Variants in KLHL29 observed in about 807,000 individuals in gnomAD.
KLHL29 encodes kelch like family member 29.
Under a neutral mutation model 80.4 loss-of-function variants are expected in KLHL29, and 21 were observed. The observed-to-expected ratio is 0.26, with a 90% confidence interval of 0.19 to 0.38. The LOEUF (loss-of-function observed/expected upper bound fraction) is 0.38, where lower values mean the gene tolerates loss of function less well. Among genes scored for constraint, KLHL29 ranks in the 10% least tolerant of loss-of-function variants. KLHL29 has a pLI of 1.00. For missense variants in KLHL29, 867 were observed against 1,223.9 expected, an observed-to-expected ratio of 0.71 and a Z score of 4.35; for synonymous variants, 511 against 526.8, an observed-to-expected ratio of 0.97 and a Z score of 0.41.
At chr2:23,510,304 G>T (rs757604525) in intron 2 of KLHL29, among the ~76,000 whole-genome samples, 3 of 152,182 alleles carry the variant, frequency 2.0e-5, no homozygotes, top group Non-Finnish European at 4.4e-5. Context: ...CACCAGGGCC[G>T]CTGAGGTTTG....
At chr2:23,678,940 T>C (rs1670997733) in intron 5 of KLHL29, among the ~76,000 whole-genome samples, 1 of 151,850 alleles carries the variant, frequency 6.6e-6, no homozygotes, top group Non-Finnish European at 1.5e-5. Context: ...TTAATGGGTG[T>C]GGAGTTTCCG....
At chr2:23,523,896 C>A in intron 2 of KLHL29, 3 of 444,298 alleles carry the variant, frequency 6.8e-6, no homozygotes, top group Non-Finnish European at 1.4e-5. Context: ...ACTTGGCACG[C>A]TTCTACAATT....
At position 23,695,808 on chromosome 2, in the gene KLHL29, G is replaced by C. The variant is rs3795941; in HGVS notation, c.1728G>C (p.Pro576=). The change falls in exon 9 of 14, where the codon CCG becomes CCC. Residue 576 remains proline (P), a synonymous_variant. Transcript: ENST00000486442. This position sits in a 1 kb window ranked among gnomAD's most constrained non-coding sequence, Gnocchi z 7.6. ...AGATGCAGACGCCCCGAACCCGGCCGCGCCTCTCTGCAGGTATGAAGGGGC... is the reference window on the plus strand; with the variant it reads ...AGATGCAGACGCCCCGAACCCGGCCCCGCCTCTCTGCAGGTATGAAGGGGC... ...RQEMQTPRTR[P]RLSAGVAEVI... The C allele has an allele frequency of 2.3e-5, 36 of 1,548,928 alleles. No homozygotes were observed. Among genetic ancestry groups the C allele is most frequent in the Non-Finnish European group, 2.8e-5 (32 of 1,146,372 alleles).
At chr2:23,650,566 T>C (rs1368824248) in intron 5 of KLHL29, among the ~76,000 whole-genome samples, 1 of 152,044 alleles carries the variant, frequency 6.6e-6, no homozygotes, top group Admixed American at 6.5e-5. Flanking sequence ...TGCACAAGAG[T>C]CCATCATCTC....
At chr2:23,603,436 C>T (rs1175973220) in intron 3 of KLHL29, among the ~76,000 whole-genome samples, 1 of 152,160 alleles carries the variant, frequency 6.6e-6, no homozygotes, top group African/African-American at 2.4e-5. Flanking sequence ...TCTGCTGGGC[C>T]CTGAGCTCTG....
rs146087765 is a variant in KLHL29 at position 23,587,077 on chromosome 2, C to G, written c.285+24596C>G. Among the ~76,000 whole-genome samples the G allele has an allele frequency of 2.3e-4, 35 of 152,266 alleles. No individual in the cohort carries two copies. In the East Asian group the frequency reaches 6.6e-3, roughly 29 times the overall value. ...AGAAGCAAACCCAGAGTAGGAAGAA[C>G]AGGCCTTTCATGTCGCTCCTTTTAA... On this transcript the variant is annotated intron_variant, in intron 3 of 13. Transcript: ENST00000486442.
At chr2:23,555,125 C>G (rs970826984) in intron 2 of KLHL29, among the ~76,000 whole-genome samples, 5 of 146,352 alleles carry the variant, frequency 3.4e-5, no homozygotes, top group African/African-American at 8.0e-5. Flanking sequence ...TGACCTCCCC[C>G]CCCCCCTCAA....
At chr2:23,412,691 G>T (rs888039367) in intron 1 of KLHL29, among the ~76,000 whole-genome samples, 25 of 152,108 alleles carry the variant, frequency 1.6e-4, no homozygotes, top group Admixed American at 6.5e-5. Context: ...CCTGGGCCTG[G>T]ACAAAAAAGT....
chr2:23,500,177 A>AAG, intron 2 of KLHL29, among the ~76,000 whole-genome samples: 1 of 152,304 alleles, frequency 6.6e-6, no homozygotes, highest in Non-Finnish European at 1.5e-5. Context: ...ACAGTGCCTT[A>AAG]GCAAGGAAGG....
intron 2 of KLHL29, among the ~76,000 whole-genome samples, chr2:23,541,787 C>T (rs1282382913): frequency 8.0e-6 from 1 of 125,756 alleles, no homozygotes; most frequent in African/African-American, 3.4e-5. Context: ...AAAAAAAAAC[C>T]ATAAAACTGG....
intron 11 of KLHL29, among the ~76,000 whole-genome samples, chr2:23,699,612 A>G (rs999430136): frequency 6.6e-6 from 1 of 151,780 alleles, no homozygotes; most frequent in Admixed American, 6.6e-5. Context: ...CTCATGTTCT[A>G]TCACTTCATC....
chr2:23,529,596 C>T (rs1000327994), intron 2 of KLHL29, among the ~76,000 whole-genome samples: 2 of 152,130 alleles, frequency 1.3e-5, no homozygotes, highest in Admixed American at 1.3e-4. Flanking sequence ...CCCACCAAAG[C>T]ACAGGCTTGG....
intron 1 of KLHL29, among the ~76,000 whole-genome samples, chr2:23,425,962 C>G (rs958022118): frequency 2.0e-5 from 3 of 152,194 alleles, no homozygotes; most frequent in African/African-American, 4.8e-5. Context: ...TACATTCTCC[C>G]AGGCTCCCAT....
chr2:23,702,340 G>A (rs1672450309), intron 11 of KLHL29, among the ~76,000 whole-genome samples: 1 of 152,184 alleles, frequency 6.6e-6, no homozygotes, highest in Non-Finnish European at 1.5e-5. Flanking sequence ...CTGGGCAAAA[G>A]CATCTAACAC....
At chr2:23,619,256 A>G (rs1669105940) in intron 3 of KLHL29, among the ~76,000 whole-genome samples, 1 of 152,230 alleles carries the variant, frequency 6.6e-6, no homozygotes, top group Admixed American at 6.5e-5. Context: ...TCTGAGCTAA[A>G]TATGTCACAC....
At position 23,596,867 on chromosome 2, in the gene KLHL29, T is replaced by C. The variant is rs1374101510; in HGVS notation, c.285+34386T>C. On this transcript the variant is annotated intron_variant, in intron 3 of 13. Transcript: ENST00000486442. This position sits in a 1 kb window ranked among gnomAD's most constrained non-coding sequence, Gnocchi z 4.4. ...TTCAGATTTTCCTCCTTCTTACTCA[T>C]GGCACTCATGTAAGTGCTACTTCTG... Among the ~76,000 whole-genome samples the C allele has an allele frequency of 6.6e-6, 1 of 152,182 alleles. No homozygotes were observed. The highest frequency in any genetic ancestry group is 1.5e-5 in the Non-Finnish European group (1 of 68,040).
intron 2 of KLHL29, chr2:23,532,714 G>T (rs1275291242): frequency 1.5e-5 from 7 of 453,068 alleles, no homozygotes; most frequent in Non-Finnish European, 2.7e-5. Flanking sequence ...GGTGTCAGGT[G>T]GGAGGAGGTG....
At chr2:23,486,597 A>G (rs1008264263) in intron 2 of KLHL29, among the ~76,000 whole-genome samples, 1 of 152,204 alleles carries the variant, frequency 6.6e-6, no homozygotes, top group Non-Finnish European at 1.5e-5. Context: ...TCCTTGGGGC[A>G]TCTGTCATTA....
intron 1 of KLHL29, among the ~76,000 whole-genome samples, chr2:23,462,950 C>T (rs1664255204): frequency 6.6e-6 from 1 of 152,078 alleles, no homozygotes; most frequent in East Asian, 1.9e-4. Flanking sequence ...GCCTGGGCAA[C>T]ATAGCAAGAC....
Sources: gnomAD v4.1 joint callset for allele counts (sites outside exome capture counted in the v4.1 genomes callset) on GRCh38, gnomAD v4.1.1 for gene constraint, Gnocchi (gnomAD v3.1) non-coding constraint, MANE v1.5 for transcripts, NCBI Gene and HGNC (gene_info 2026-07-23, HGNC 2026-07-21) for gene names.